Variants in LRP2 observed in about 807,000 individuals in gnomAD.
LRP2 encodes low-density lipoprotein receptor-related protein 2.
Under a neutral mutation model 531.0 loss-of-function variants are expected in LRP2, and 172 were observed. The observed-to-expected ratio is 0.32, with a 90% CI of 0.29 to 0.37. The LOEUF (loss-of-function observed/expected upper bound fraction) is 0.37. Among genes scored for constraint, LRP2 ranks in the 10% least tolerant of loss-of-function variants. The pLI, the probability that LRP2 is intolerant of heterozygous loss-of-function variation, is 1.00. For synonymous variants in LRP2, 1,992 were observed against 2,027.6 expected (o/e 0.98, Z 0.47); for missense variants, 5,167 against 5,868.3 (o/e 0.88, Z 3.90).
intron 62 of LRP2, among the ~76,000 whole-genome samples, chr2:169,163,448 C>A (rs1227170947): frequency 6.6e-6 from 1 of 152,118 alleles, no homozygotes; most frequent in African/African-American, 2.4e-5. Context: ...GACACGAAGG[C>A]CCAATAAAAC....
In LRP2 at chr2:169,146,610, A is replaced by T. The variant is rs1685922844; in HGVS notation, c.12811+129T>A. ...AGCAGGTGGGAGTTGGTGGGGGTGGAGGGGTGGTATCTAAAAAACTATATA... is the reference window on the plus strand; with the variant it reads ...AGCAGGTGGGAGTTGGTGGGGGTGGTGGGGTGGTATCTAAAAAACTATATA... On this transcript the variant is annotated intron_variant, in intron 69 of 78. Coordinates refer to ENST00000649046, the MANE Select transcript of LRP2 (RefSeq NM_004525.3). 4.4e-6 allele frequency: 3 copies of T among 687,970 alleles called. No individual in the cohort carries two copies. The South Asian group carries it at 5.7e-5, about 13-fold the overall frequency. 42.6% of individuals were successfully genotyped at this position (687,970 alleles called of 1,614,324 possible).
rs370823033 is a variant in LRP2 at position 169,294,717 on chromosome 2, TAA to T, written c.428-9_428-8del. On this transcript the variant is annotated splice_polypyrimidine_tract_variant and splice_region_variant and intron_variant, in intron 4 of 78. Coordinates refer to ENST00000649046, the MANE Select transcript of LRP2 (RefSeq NM_004525.3). ...TGCTCACATGTTGGGTACTCTATTG[TAA>T]AAAAAAAAAAAAAAAAAAAAAGGAA... 0.31 allele frequency: 222,004 copies of T among 721,108 alleles called. 19,732 individuals are homozygous for T. Among genetic ancestry groups the T allele is most frequent in the African/African-American group, 0.35 (14,829 of 41,822 alleles). 44.7% of individuals were successfully genotyped at this position (721,108 alleles called of 1,614,324 possible).
intron 45 of LRP2, among the ~76,000 whole-genome samples, chr2:169,198,413 A>C (rs765393141): frequency 3.3e-5 from 5 of 152,132 alleles, no homozygotes; most frequent in Non-Finnish European, 7.4e-5. Context: ...GACTGTCTGA[A>C]AAAAAAATAA....
At chr2:169,272,843 A>C (rs1683454123) in intron 15 of LRP2, 84 bp downstream of exon 15, 1 of 1,570,034 alleles carries the variant, frequency 6.4e-7, no homozygotes. Flanking sequence ...GGTCCAGTTC[A>C]AGAGTAGCAG....
chr2:169,140,319 G>A (rs1685671478), intron 72 of LRP2, 136 bp downstream of exon 72: 1 of 731,336 alleles, frequency 1.4e-6, no homozygotes, highest in African/African-American at 1.7e-5. Context: ...CTCCCTCAAG[G>A]GAAGGCAAGC....
intron 3 of LRP2, among the ~76,000 whole-genome samples, chr2:169,310,573 C>G (rs1320028233): frequency 1.3e-5 from 2 of 152,188 alleles, no homozygotes; most frequent in African/African-American, 4.8e-5. Flanking sequence ...GGTGGATAAA[C>G]TTTTTGATGT....
chr2:169,171,609 G>T (rs1687008973), intron 58 of LRP2, among the ~76,000 whole-genome samples: 1 of 152,160 alleles, frequency 6.6e-6, no homozygotes. Flanking sequence ...TGGGGAAAGA[G>T]CTTAAGAAGC....
intron 1 of LRP2, among the ~76,000 whole-genome samples, chr2:169,331,182 AAC>A (rs1381531872): frequency 6.6e-6 from 1 of 152,224 alleles, no homozygotes; most frequent in Non-Finnish European, 1.5e-5. Flanking sequence ...GGCTATGAAA[AAC>A]AGTCATAAGC....
At chr2:169,151,326 C>T (rs901875024) in intron 67 of LRP2, among the ~76,000 whole-genome samples, 5 of 152,066 alleles carry the variant, frequency 3.3e-5, no homozygotes, top group African/African-American at 1.2e-4. Flanking sequence ...GTCAAATTTC[C>T]AATCTGTTTT....
At chr2:169,294,756 A>T in intron 4 of LRP2, 46 bp from the exon 5 acceptor site, 2 of 1,283,828 alleles carry the variant, frequency 1.6e-6, no homozygotes, top group Admixed American at 1.8e-5. Flanking sequence ...AGGAAACAGT[A>T]AACAAACCTT....
Position 169,271,672 on chromosome 2 carries a change from G to A in LRP2, c.2117-565C>T, listed in dbSNP as rs569316185. On this transcript the variant is annotated intron_variant, in intron 15 of 78. Transcript: ENST00000649046. ...ACACACACAGAAACCTTTCTCACCT[G>A]TGCCATCAATCTTTTGTTTAAAAAT... 5.0e-4 allele frequency: 476 copies of A among 950,266 alleles called. 6 individuals carry two copies. In the African/African-American group the frequency reaches 7.9e-3, roughly 16 times the overall value. The allele number at this position is 950,266 out of a possible 1,614,324, so 58.9% of individuals were successfully genotyped here.
chr2:169,336,158 G>C (rs1038880097), intron 1 of LRP2, among the ~76,000 whole-genome samples: 5 of 151,954 alleles, frequency 3.3e-5, no homozygotes, highest in Admixed American at 6.6e-5. Flanking sequence ...TTCATTCAAA[G>C]AAAAACTTTA....
At chr2:169,231,216 C>T (rs1256194053) in intron 31 of LRP2, among the ~76,000 whole-genome samples, 1 of 151,120 alleles carries the variant, frequency 6.6e-6, no homozygotes, top group Non-Finnish European at 1.5e-5. Flanking sequence ...ATCACAGGGG[C>T]CCGGAAAGTG....
In LRP2 at chr2:169,256,141, T is replaced by C; in HGVS notation, c.2735A>G (p.Gln912Arg). The change falls in exon 19 of 79, where the codon CAG (glutamine) becomes CGG (arginine). Residue 912 changes from glutamine (Q) to arginine (R), a missense_variant. By Grantham distance (43) the Gln-to-Arg change is conservative. This residue lies in a region of LRP2 where 2,811 missense variants were observed against 3,058.0 expected (regional missense o/e 0.92). Coordinates refer to ENST00000649046, the MANE Select transcript of LRP2 (RefSeq NM_004525.3). ...LDRRRLGHIE[Q>R]MTHPFGLAIF... is the part of the protein sequence containing the mutation. ...GGCAAGTCCAAACGGATGTGTCATC[T>C]GCTCTATATGGCCCAGTCTTCTTCT... The C allele has an allele frequency of 6.2e-7, 1 of 1,613,096 alleles. No homozygotes were observed. The highest frequency in any genetic ancestry group is 8.5e-7 in the Non-Finnish European group (1 of 1,179,272).
At chr2:169,173,003 A>G (rs553600198) in intron 57 of LRP2, 93 bp downstream of exon 57, 4 of 1,489,050 alleles carry the variant, frequency 2.7e-6, no homozygotes, top group South Asian at 2.3e-5. Context: ...AAAAGATGAC[A>G]TGGGAAATAC....
intron 44 of LRP2, 101 bp from the exon 45 acceptor site, chr2:169,199,012 G>T (rs2105321723): frequency 8.1e-7 from 1 of 1,233,374 alleles, no homozygotes; most frequent in Non-Finnish European, 1.2e-6. Context: ...TCAAACCACT[G>T]GAAGGGCGGC....
chr2:169,282,130 A>G lies in LRP2; in HGVS notation c.1171+743T>C, dbSNP rs181104480. Reference sequence around the variant, plus strand: ...CCTAAAAGTTACTACACAGCAAATCAGGTATTTCTACACAAAAACAAGTAG... The same window carrying G: ...CCTAAAAGTTACTACACAGCAAATCGGGTATTTCTACACAAAAACAAGTAG... On this transcript the variant is annotated intron_variant, in intron 10 of 78. Coordinates refer to ENST00000649046, the MANE Select transcript of LRP2 (RefSeq NM_004525.3). Among the ~76,000 whole-genome samples the G allele has an allele frequency of 2.0e-5, 3 of 152,366 alleles. No individual in the cohort carries two copies. In the East Asian group the frequency reaches 5.8e-4, roughly 29 times the overall value.
intron 35 of LRP2, among the ~76,000 whole-genome samples, chr2:169,215,076 G>A (rs1417707822): frequency 6.6e-6 from 1 of 152,162 alleles, no homozygotes; most frequent in Non-Finnish European, 1.5e-5. Flanking sequence ...CATGTAACAA[G>A]AGCTTCCTCG....
rs778914088 is a variant in LRP2, at chr2:169,238,318, A to T, written c.4295-16T>A. 1.3e-6 allele frequency: 2 copies of T among 1,574,846 alleles called. No individual in the cohort carries two copies. Among genetic ancestry groups the T allele is most frequent in the African/African-American group, 1.3e-5 (1 of 74,216 alleles). ...CTCTCAGATGCTGTTCAAGAAAAAA[A>T]TGCAAAAATGTCAATGATACTGGGA... On this transcript the variant is annotated splice_polypyrimidine_tract_variant and intron_variant, in intron 26 of 78. Coordinates refer to ENST00000649046, the MANE Select transcript of LRP2 (RefSeq NM_004525.3).
Sources: allele counts gnomAD v4.1 joint callset (sites outside exome capture counted in the v4.1 genomes callset), GRCh38; gene constraint gnomAD v4.1.1; regional missense constraint gnomAD v4.1.1; transcripts MANE v1.5; gene names NCBI Gene and HGNC (gene_info 2026-07-23, HGNC 2026-07-21).